ALK: variants seen among roughly 807,000 people sequenced by gnomAD.
ALK encodes the protein ALK receptor tyrosine kinase, also known as ALK tyrosine kinase receptor.
ALK carries 74 observed loss-of-function variants against 163.1 expected under a neutral mutation model. That is an observed-to-expected ratio of 0.45 (90% CI 0.38 to 0.55). The LOEUF is 0.55. ALK is among the 20% of genes least tolerant of loss of function. ALK has a pLI of 0.00. For synonymous variants in ALK, 960 were observed against 843.2 expected (o/e 1.14, Z -2.40); for missense variants, 2,063 against 2,105.3 (o/e 0.98, Z 0.39).
intron 3 of ALK, among the ~76,000 whole-genome samples, chr2:29,576,699 C>G (rs1036057716): frequency 1.3e-5 from 2 of 152,176 alleles, no homozygotes. Flanking sequence ...CAGCCAGTCC[C>G]CATTGCTCAC....
chr2:29,459,432 G>T (rs1671033274), intron 4 of ALK, among the ~76,000 whole-genome samples: 1 of 152,138 alleles, frequency 6.6e-6, no homozygotes, highest in African/African-American at 2.4e-5. Context: ...TGTTTTCAGA[G>T]GTTGGGCTGG....
chr2:29,333,036 AATTTTT>A (rs1445516718), intron 5 of ALK, among the ~76,000 whole-genome samples: 2 of 152,186 alleles, frequency 1.3e-5, no homozygotes, highest in African/African-American at 4.8e-5. Context: ...GTTTTACCAG[AATTTTT>A]ATTTTTAACT....
chr2:29,523,856 A>G (rs1487212438), intron 4 of ALK, among the ~76,000 whole-genome samples: 2 of 118,674 alleles, frequency 1.7e-5, no homozygotes, highest in Non-Finnish European at 3.3e-5. Flanking sequence ...CAGAAGCTGA[A>G]GGTTTTTTTT....
intron 9 of ALK, among the ~76,000 whole-genome samples, chr2:29,285,687 C>G (rs1388082069): frequency 1.3e-5 from 2 of 152,122 alleles, no homozygotes; most frequent in Non-Finnish European, 2.9e-5. Context: ...CTCAGCCTCC[C>G]AAGGAACTGG....
intron 1 of ALK, among the ~76,000 whole-genome samples, chr2:29,907,868 C>T (rs975832486): frequency 3.0e-4 from 45 of 152,140 alleles, no homozygotes; most frequent in African/African-American, 1.1e-3. Flanking sequence ...CAACCACTTG[C>T]CCCTCAAACC....
intron 3 of ALK, among the ~76,000 whole-genome samples, chr2:29,635,672 G>A (rs1030544783): frequency 4.0e-5 from 6 of 150,670 alleles, no homozygotes; most frequent in African/African-American, 7.3e-5. Context: ...GTGTGATCTC[G>A]GCTCACTGCA....
chr2:29,263,619 A>G (rs552365458), intron 11 of ALK, among the ~76,000 whole-genome samples: 1 of 152,166 alleles, frequency 6.6e-6, no homozygotes, highest in Non-Finnish European at 1.5e-5. Flanking sequence ...TAGACCAAGA[A>G]GAGAAGGCAA....
intron 11 of ALK, among the ~76,000 whole-genome samples, chr2:29,251,800 T>C (rs1290686922): frequency 6.6e-6 from 1 of 152,072 alleles, no homozygotes; most frequent in African/African-American, 2.4e-5. Flanking sequence ...TTGGAGACAA[T>C]TGAAAAAGAG....
In ALK at chr2:29,664,815, T is replaced by C. The variant is rs530662979; in HGVS notation, c.952+30035A>G. ...TCTATATAGACAACCTTTCACTTCG[T>C]CCTCACAACTTAGGGCTGACATGAT... On this transcript the variant is annotated intron_variant, in intron 3 of 28. Coordinates refer to ENST00000389048, the MANE Select transcript of ALK (RefSeq NM_004304.5). Among the ~76,000 whole-genome samples, 4 of 152,148 alleles carry C rather than the reference T, an allele frequency of 2.6e-5. No individual in the cohort carries two copies. The South Asian group carries it at 8.3e-4, about 32-fold the overall frequency.
rs1331210838 is a variant in ALK, at chr2:29,227,903, C to A, written c.2816-231G>T. Among the ~76,000 whole-genome samples, 1 of 152,140 alleles carries A rather than the reference C, an allele frequency of 6.6e-6. No homozygotes were observed. Among genetic ancestry groups the A allele is most frequent in the South Asian group, 2.1e-4 (1 of 4,834 alleles). ...ATTTCCCCTCAGGTCCAGGCCAGCT[C>A]CCACTCTGCCGGTGGCCCACTAAGA... is the stretch of plus-strand genomic sequence containing the variant. On this transcript the variant is annotated intron_variant, in intron 16 of 28. Coordinates refer to ENST00000389048, the MANE Select transcript of ALK (RefSeq NM_004304.5). The surrounding 1 kb of genome is among the most constrained non-coding windows in gnomAD (Gnocchi z 4.4).
At chr2:29,849,597 T>A (rs1665940343) in intron 1 of ALK, among the ~76,000 whole-genome samples, 1 of 152,180 alleles carries the variant, frequency 6.6e-6, no homozygotes, top group Admixed American at 6.5e-5. Context: ...TATCAGAAAC[T>A]CATTCATTCA....
intron 3 of ALK, among the ~76,000 whole-genome samples, chr2:29,593,916 C>T (rs1431468656): frequency 6.6e-6 from 1 of 152,198 alleles, no homozygotes; most frequent in Non-Finnish European, 1.5e-5. Flanking sequence ...TTGTTAAATA[C>T]AGCCATTATT....
rs2148138043 is a variant in ALK, at chr2:29,193,568, A to C, written c.4519T>G (p.Tyr1507Asp). Residue 1507 changes from tyrosine (Y) to aspartate (D), a missense_variant, in exon 29 of 29, where the codon TAC becomes GAC. By Grantham distance (160) the Tyr-to-Asp change is radical (BLOSUM62 -3). Transcript: ENST00000389048. ...NKPTSLWNPTYGSWFTEKPTK... is the reference protein window; with the variant it reads ...NKPTSLWNPTDGSWFTEKPTK... ...GGTTTCTCTGTAAACCAGGAGCCGT[A>C]CGTTGGGTTCCACAAGCTGGTGGGC... 6.2e-7 allele frequency: 1 copy of C among 1,614,230 alleles called. No individual in the cohort carries two copies. The highest frequency in any genetic ancestry group is 8.5e-7 in the Non-Finnish European group (1 of 1,180,036).
At chr2:29,702,217 GA>G (rs975447206) in intron 2 of ALK, among the ~76,000 whole-genome samples, 8 of 150,672 alleles carry the variant, frequency 5.3e-5, no homozygotes, top group South Asian at 4.2e-4. Flanking sequence ...AGGCTGTGCT[GA>G]AAAAAAAAGG....
chr2:29,641,973 A>G (rs1573521630), intron 3 of ALK, among the ~76,000 whole-genome samples: 1 of 152,212 alleles, frequency 6.6e-6, no homozygotes, highest in African/African-American at 2.4e-5. Flanking sequence ...TCAAAAATTC[A>G]CCTCTTTGGG....
chr2:29,534,053 C>G (rs961639170), intron 3 of ALK, among the ~76,000 whole-genome samples: 1 of 151,998 alleles, frequency 6.6e-6, no homozygotes, highest in Non-Finnish European at 1.5e-5. Flanking sequence ...GGAGAGAAGA[C>G]TGAGAAATAA....
chr2:29,568,768 G>A (rs905809858), intron 3 of ALK, among the ~76,000 whole-genome samples: 8 of 152,186 alleles, frequency 5.3e-5, no homozygotes, highest in African/African-American at 1.9e-4. Context: ...CTCCCCTTTG[G>A]GGTCCTGTTT....
At chr2:29,662,641 A>G (rs1161422891) in intron 3 of ALK, among the ~76,000 whole-genome samples, 1 of 152,154 alleles carries the variant, frequency 6.6e-6, no homozygotes, top group African/African-American at 2.4e-5. Context: ...CTGCAGTTAC[A>G]ACAACCCTCT....
intron 11 of ALK, among the ~76,000 whole-genome samples, chr2:29,255,009 G>A (rs1363567508): frequency 6.6e-6 from 1 of 152,202 alleles, no homozygotes. Flanking sequence ...GATTCTGTGG[G>A]AAGAGAGGAT....
Sources: gnomAD v4.1 joint callset for allele counts (sites outside exome capture counted in the v4.1 genomes callset) on GRCh38, gnomAD v4.1.1 for gene constraint, Gnocchi (gnomAD v3.1) non-coding constraint, MANE v1.5 for transcripts, NCBI Gene and HGNC (gene_info 2026-07-23, HGNC 2026-07-21) for gene names.